PAX3: variants seen among roughly 807,000 people sequenced by gnomAD.
PAX3 encodes the protein paired box 3.
A neutral mutation model predicts 51.6 loss-of-function variants in PAX3; 14 were observed. The observed-to-expected ratio is 0.27, with a 90% CI of 0.18 to 0.42. PAX3 has a LOEUF of 0.42. Among genes scored for constraint, PAX3 ranks in the 10% least tolerant of loss-of-function variants. The pLI is 1.00. For synonymous variants in PAX3, 280 were observed against 253.4 expected, an observed-to-expected ratio of 1.11 and a Z score of -1.00; for missense variants, 540 against 642.8, an observed-to-expected ratio of 0.84 and a Z score of 1.73.
At chr2:222,234,643 T>C (rs2106099626) in intron 4 of PAX3, among the ~76,000 whole-genome samples, 2 of 152,292 alleles carry the variant, frequency 1.3e-5, no homozygotes, top group South Asian at 4.1e-4. Context: ...AGTTTGCATG[T>C]CTAACACATT....
At chr2:222,280,662 A>G (rs1694615374) in intron 4 of PAX3, among the ~76,000 whole-genome samples, 1 of 152,196 alleles carries the variant, frequency 6.6e-6, no homozygotes, top group Admixed American at 6.5e-5. Context: ...GGAATGCCCC[A>G]AGAAAGACCA....
intron 7 of PAX3, among the ~76,000 whole-genome samples, chr2:222,215,528 T>A (rs1040908224): frequency 6.6e-6 from 1 of 151,900 alleles, no homozygotes; most frequent in African/African-American, 2.4e-5. Flanking sequence ...GTTTGTTAAT[T>A]TAATTGGTCT....
chr2:222,258,867 T>C (rs1320319533), intron 4 of PAX3, among the ~76,000 whole-genome samples: 3 of 152,184 alleles, frequency 2.0e-5, no homozygotes, highest in Non-Finnish European at 4.4e-5. Flanking sequence ...AAAAGTCTCT[T>C]ATTGGTGATG....
intron 7 of PAX3, among the ~76,000 whole-genome samples, chr2:222,210,069 G>A (rs1238283805): frequency 4.6e-5 from 7 of 152,100 alleles, no homozygotes; most frequent in Admixed American, 3.3e-4. Flanking sequence ...TAAAGATGCC[G>A]TGTTCTCTTT....
chr2:222,291,969 G>GGGGT (rs1553591825), intron 4 of PAX3, among the ~76,000 whole-genome samples: 2 of 133,642 alleles, frequency 1.5e-5, no homozygotes, highest in Non-Finnish European at 1.6e-5. Context: ...CAGCCTCCAA[G>GGGGT]GTGTGTGTGT....
chr2:222,256,450 G>C lies in PAX3; in HGVS notation c.587-24167C>G, dbSNP rs569489119. Among the ~76,000 whole-genome samples the C allele has an allele frequency of 1.6e-4, 24 of 151,864 alleles. 1 individual carries two copies. In the South Asian group the frequency reaches 3.4e-3, roughly 21 times the overall value. On this transcript the variant is annotated intron_variant, in intron 4 of 8. Transcript: ENST00000392070. ...GATCCCTTGGGCTCACACTGAGGCAGGCACTTCCTGATCCTTCCCTCTCCC... is the reference window on the plus strand; with the variant it reads ...GATCCCTTGGGCTCACACTGAGGCACGCACTTCCTGATCCTTCCCTCTCCC...
rs144540224 is a variant in PAX3, at chr2:222,278,737, G to A, written c.586+15430C>T. On this transcript the variant is annotated intron_variant, in intron 4 of 8. Transcript: ENST00000392070. The stretch of plus-strand genomic sequence containing the variant: ...AAAACTAATCCTGTCCTTTCACAGT[G>A]AAGACAGGATCTGCTGAGGTGTGAT... 2.0e-3 allele frequency among the ~76,000 whole-genome samples: 302 copies of A among 152,318 alleles called. 1 individual carries two copies. The highest frequency in any genetic ancestry group is 3.5e-3 in the Non-Finnish European group (241 of 68,030).
chr2:222,233,622 C>T (rs554427598), intron 4 of PAX3, among the ~76,000 whole-genome samples: 37 of 152,182 alleles, frequency 2.4e-4, no homozygotes, highest in Admixed American at 2.2e-3. Context: ...CAGACCAGGG[C>T]TACAGGCAGG....
intron 4 of PAX3, chr2:222,293,696 C>T (rs45452398): frequency 4.1e-5 from 66 of 1,613,988 alleles, no homozygotes; most frequent in Admixed American, 1.0e-4. Context: ...GGCCGTTGCC[C>T]AAAAGAGTAC....
At chr2:222,286,606 G>T (rs1400375663) in intron 4 of PAX3, among the ~76,000 whole-genome samples, 1 of 152,208 alleles carries the variant, frequency 6.6e-6, no homozygotes, top group African/African-American at 2.4e-5. Context: ...ATGTAAAATG[G>T]TGCGAACTTT....
intron 4 of PAX3, among the ~76,000 whole-genome samples, chr2:222,275,622 G>A (rs1343620758): frequency 6.6e-6 from 1 of 152,088 alleles, no homozygotes; most frequent in Non-Finnish European, 1.5e-5. Context: ...AAATAAAATA[G>A]TAAAAAAATG....
chr2:222,258,548 G>A (rs1693732769), intron 4 of PAX3, among the ~76,000 whole-genome samples: 1 of 152,058 alleles, frequency 6.6e-6, no homozygotes, highest in Non-Finnish European at 1.5e-5. Context: ...TGTTGACCTA[G>A]AGATAAACTT....
intron 4 of PAX3, chr2:222,293,731 A>T: frequency 6.2e-7 from 1 of 1,614,160 alleles, no homozygotes; most frequent in Non-Finnish European, 8.5e-7. Flanking sequence ...CTTTAATGCG[A>T]GGAAACTCCG....
At chr2:222,271,075 C>T (rs1694235614) in intron 4 of PAX3, among the ~76,000 whole-genome samples, 1 of 152,216 alleles carries the variant, frequency 6.6e-6, no homozygotes, top group Admixed American at 6.5e-5. Flanking sequence ...TTCGCGGTCA[C>T]TAACACAACA....
chr2:222,254,254 T>A (rs1022956435), intron 4 of PAX3, among the ~76,000 whole-genome samples: 2 of 152,210 alleles, frequency 1.3e-5, no homozygotes, highest in African/African-American at 2.4e-5. Context: ...TCAGTTGATA[T>A]GTTATTTGCC....
intron 4 of PAX3, among the ~76,000 whole-genome samples, chr2:222,237,234 T>C (rs1347109605): frequency 6.6e-6 from 1 of 151,984 alleles, no homozygotes; most frequent in African/African-American, 2.4e-5. Flanking sequence ...AAGCTAGAAT[T>C]TGACCCAGAT....
chr2:222,262,936 C>T (rs1693919495), intron 4 of PAX3: 1 of 152,100 alleles, frequency 6.6e-6, no homozygotes, highest in South Asian at 2.1e-4. Flanking sequence ...GCAAAAAATA[C>T]ATTAATAAAC....
chr2:222,242,920 A>T (rs1693073789), intron 4 of PAX3, among the ~76,000 whole-genome samples: 1 of 152,226 alleles, frequency 6.6e-6, no homozygotes, highest in South Asian at 2.1e-4. Flanking sequence ...CCACTATCAA[A>T]TATTTTTGCT....
intron 2 of PAX3, among the ~76,000 whole-genome samples, chr2:222,296,632 A>T (rs1394056717): frequency 6.6e-6 from 1 of 152,208 alleles, no homozygotes; most frequent in Non-Finnish European, 1.5e-5. Context: ...GGAGCCGGGA[A>T]GACACTTAGG....
Sources: allele counts gnomAD v4.1 joint callset (sites outside exome capture counted in the v4.1 genomes callset), GRCh38; gene constraint gnomAD v4.1.1; transcripts MANE v1.5; gene names NCBI Gene and HGNC (gene_info 2026-07-23, HGNC 2026-07-21).